Variants in TSC22D2 observed in about 807,000 individuals in gnomAD.
TSC22D2 encodes TSC22 domain family member 2.
Under a neutral mutation model 50.1 loss-of-function variants are expected in TSC22D2, and 5 were observed. That is an observed-to-expected ratio of 0.10 (90% CI 0.05 to 0.21). TSC22D2 has a LOEUF of 0.21. Among genes scored for constraint, TSC22D2 ranks in the 10% least tolerant of loss-of-function variants. The pLI, the probability that TSC22D2 is intolerant of heterozygous loss-of-function variation, is 1.00. For missense variants in TSC22D2, 1,003 were observed against 1,015.5 expected (o/e 0.99, Z 0.17); for synonymous variants, 501 against 450.1 (o/e 1.11, Z -1.43).
At chr3:150,415,325 A>G (rs1345397401) in intron 1 of TSC22D2, among the ~76,000 whole-genome samples, 7 of 152,222 alleles carry the variant, frequency 4.6e-5, no homozygotes, top group East Asian at 1.9e-4. Flanking sequence ...TTTAGAAAAC[A>G]TGATGGCTTA....
At chr3:150,437,795 G>A (rs529269569) in intron 1 of TSC22D2, among the ~76,000 whole-genome samples, 4 of 151,890 alleles carry the variant, frequency 2.6e-5, no homozygotes, top group East Asian at 1.9e-4. Flanking sequence ...GCGGCAGAGC[G>A]GGACTCCGTC....
At chr3:150,457,440 A>T (rs552009959) in intron 2 of TSC22D2, among the ~76,000 whole-genome samples, 9 of 152,266 alleles carry the variant, frequency 5.9e-5, no homozygotes, top group Admixed American at 2.6e-4. Flanking sequence ...AAAATACTTT[A>T]GAGTGAAAAA....
At position 150,446,008 on chromosome 3, in the gene TSC22D2, C is replaced by T. The variant is rs1351778480; in HGVS notation, c.1959-11068C>T. Among the ~76,000 whole-genome samples, 4 of 149,588 alleles carry T rather than the reference C, an allele frequency of 2.7e-5. 1 individual carries two copies. The highest frequency in any genetic ancestry group is 4.4e-5 in the Non-Finnish European group (3 of 67,692). ...ACTCGGGAGGCTGAGGCAGGAGAAT[C>T]GCTTGAACCTGGGAGGTGGAGGTTG... On this transcript the variant is annotated intron_variant, in intron 1 of 2. Transcript: ENST00000688009.
chr3:150,420,046 A>G (rs1719954567), intron 1 of TSC22D2, among the ~76,000 whole-genome samples: 4 of 152,196 alleles, frequency 2.6e-5, no homozygotes. Context: ...TTTTAATTTC[A>G]GTTGCCTCTT....
At position 150,410,570 on chromosome 3, in the gene TSC22D2, C is replaced by T. The variant is rs930101178; in HGVS notation, c.1220C>T (p.Thr407Met). 17 of 1,551,232 alleles carry T rather than the reference C, an allele frequency of 1.1e-5. No individual in the cohort carries two copies. Among genetic ancestry groups the T allele is most frequent in the Admixed American group, 6.0e-5 (3 of 50,160 alleles). The change falls in exon 1 of 3, where the codon ACG (threonine) becomes ATG (methionine). Residue 407 changes from threonine (T) to methionine (M), a missense_variant. Transcript: ENST00000688009. ...ACCGGCGCCGCAGCGAGCCCCGCCA[C>T]GGCGGCCACCCTTCCCGTGGGCACC... ...SSTGAAASPA[T>M]AATLPVGTGQ...
intron 1 of TSC22D2, among the ~76,000 whole-genome samples, chr3:150,430,574 T>G (rs535477845): frequency 6.6e-6 from 1 of 152,324 alleles, no homozygotes; most frequent in South Asian, 2.1e-4. Flanking sequence ...GAGGTTTTTG[T>G]TTTTAGCTGT....
chr3:150,428,710 G>A (rs1720280103), intron 1 of TSC22D2, among the ~76,000 whole-genome samples: 1 of 151,956 alleles, frequency 6.6e-6, no homozygotes, highest in African/African-American at 2.4e-5. Flanking sequence ...TTGAAATGAT[G>A]GTGACTAATC....
chr3:150,442,031 G>T (rs1383676229), intron 1 of TSC22D2, among the ~76,000 whole-genome samples: 1 of 152,146 alleles, frequency 6.6e-6, no homozygotes, highest in Non-Finnish European at 1.5e-5. Context: ...TCCTCATTCA[G>T]TGTACTATCC....
chr3:150,411,694 G>A (rs1432444078), intron 1 of TSC22D2, among the ~76,000 whole-genome samples: 1 of 152,096 alleles, frequency 6.6e-6, no homozygotes, highest in African/African-American at 2.4e-5. Flanking sequence ...TTTTGAGGCT[G>A]AGACATAATA....
At chr3:150,440,639 G>T (rs1486418741) in intron 1 of TSC22D2, among the ~76,000 whole-genome samples, 9 of 148,806 alleles carry the variant, frequency 6.0e-5, no homozygotes, top group Non-Finnish European at 1.0e-4. Context: ...AATGCTATGT[G>T]AGAGTTTTCC....
intron 1 of TSC22D2, among the ~76,000 whole-genome samples, chr3:150,440,671 A>C (rs1012593092): frequency 3.8e-5 from 2 of 52,644 alleles, no homozygotes; most frequent in African/African-American, 4.1e-4. Flanking sequence ...GTTGCGAATA[A>C]TTCTGAGAAA....
intron 1 of TSC22D2, among the ~76,000 whole-genome samples, chr3:150,422,147 T>A (rs181750955): frequency 6.6e-6 from 1 of 152,372 alleles, no homozygotes; most frequent in Admixed American, 6.5e-5. Flanking sequence ...TAACTGCTGC[T>A]GTTCTGCTAC....
rs1333338063 is a variant in TSC22D2, at chr3:150,457,062, C to G, written c.1959-14C>G. ...AAATTTTTTAGAATAATAACATATT[C>G]TAATTTTTTCCAGTGCATCTGGGGG... On this transcript the variant is annotated splice_polypyrimidine_tract_variant and intron_variant, in intron 1 of 2. Coordinates refer to ENST00000688009, the MANE Select transcript of TSC22D2 (RefSeq NM_001303264.2). 1.9e-6 allele frequency: 3 copies of G among 1,610,268 alleles called. No individual in the cohort carries two copies. The African/African-American group carries it at 4.0e-5, about 22-fold the overall frequency.
At chr3:150,431,707 C>A (rs980376239) in intron 1 of TSC22D2, among the ~76,000 whole-genome samples, 1 of 152,052 alleles carries the variant, frequency 6.6e-6, no homozygotes, top group African/African-American at 2.4e-5. Flanking sequence ...CCAGCTGAAA[C>A]GACTACTAGA....
At chr3:150,435,598 T>C (rs952708458) in intron 1 of TSC22D2, among the ~76,000 whole-genome samples, 1 of 152,188 alleles carries the variant, frequency 6.6e-6, no homozygotes, top group African/African-American at 2.4e-5. Context: ...GGTAGTCTTA[T>C]AGAATTTTCA....
chr3:150,442,586 C>G (rs1407779320), intron 1 of TSC22D2, among the ~76,000 whole-genome samples: 1 of 152,134 alleles, frequency 6.6e-6, no homozygotes, highest in Non-Finnish European at 1.5e-5. Flanking sequence ...TACCATATGC[C>G]AGATACTAAT....
At chr3:150,419,109 A>G (rs1719923278) in intron 1 of TSC22D2, among the ~76,000 whole-genome samples, 1 of 152,114 alleles carries the variant, frequency 6.6e-6, no homozygotes, top group Non-Finnish European at 1.5e-5. Flanking sequence ...AAGCAAGCTT[A>G]CTTGTGTCAG....
chr3:150,436,530 C>G lies in TSC22D2; in HGVS notation c.1959-20546C>G, dbSNP rs75960833. ...ATTTGTCCTATAAAAAGTAAATCTT[C>G]AAAAGATTTTAAAAATTACAGTATT... On this transcript the variant is annotated intron_variant, in intron 1 of 2. Coordinates refer to ENST00000688009, the MANE Select transcript of TSC22D2 (RefSeq NM_001303264.2). Among the ~76,000 whole-genome samples the G allele has an allele frequency of 5.0e-3, 753 of 152,058 alleles. 7 individuals are homozygous for G. The highest frequency in any genetic ancestry group is 0.017 in the African/African-American group (707 of 41,482).
chr3:150,410,227 C>T lies in TSC22D2; in HGVS notation c.877C>T (p.Pro293Ser), dbSNP rs1186924839. The change falls in exon 1 of 3, where the codon CCG becomes TCG. Residue 293 changes from proline to serine, a missense_variant. This residue lies in a region of TSC22D2 where 696 missense variants were observed against 647.8 expected (regional missense o/e 1.07). Transcript: ENST00000688009. Reference sequence around the variant, plus strand: ...TGTGGCTCAAAGCTCGGCTCCGCTGCCGCCGTTCCCGGGAGCCGCGACCGG... The same window carrying T: ...TGTGGCTCAAAGCTCGGCTCCGCTGTCGCCGTTCCCGGGAGCCGCGACCGG... ...GAVAQSSAPL[P>S]PFPGAATGPQ... 1 of 1,571,830 alleles carries T rather than the reference C, an allele frequency of 6.4e-7. No individual in the cohort carries two copies. Among genetic ancestry groups the T allele is most frequent in the Non-Finnish European group, 8.6e-7 (1 of 1,159,128 alleles).
Sources: gnomAD v4.1 joint callset for allele counts (sites outside exome capture counted in the v4.1 genomes callset) on GRCh38, gnomAD v4.1.1 for gene constraint, gnomAD v4.1.1 regional missense constraint, MANE v1.5 for transcripts, NCBI Gene and HGNC (gene_info 2026-07-23, HGNC 2026-07-21) for gene names.